Variants in UNC45B observed in about 807,000 individuals in gnomAD.
UNC45B encodes protein unc-45 homolog B.
Under a neutral mutation model 98.7 loss-of-function variants are expected in UNC45B, and 78 were observed. That is an observed-to-expected ratio of 0.79 (90% CI 0.66 to 0.95). The LOEUF (loss-of-function observed/expected upper bound fraction) is 0.95. UNC45B is among the 40% of genes least tolerant of loss of function. The pLI is 0.00. For synonymous variants in UNC45B, 462 were observed against 480.4 expected (o/e 0.96, Z 0.50); for missense variants, 1,225 against 1,184.9 (o/e 1.03, Z -0.50).
At chr17:35,164,321 C>A in intron 9 of UNC45B, 155 bp downstream of exon 9, 1 of 826,404 alleles carries the variant, frequency 1.2e-6, no homozygotes, top group Non-Finnish European at 1.8e-6. Flanking sequence ...GTGGCTCTGG[C>A]TTATGGTCTT....
intron 7 of UNC45B, among the ~76,000 whole-genome samples, chr17:35,156,675 T>G (rs2092064569): frequency 6.6e-6 from 1 of 152,124 alleles, no homozygotes; most frequent in African/African-American, 2.4e-5. Flanking sequence ...TACCACAGCT[T>G]AAAAAAAGTA....
At chr17:35,178,937 T>G (rs2092254655) in intron 17 of UNC45B, among the ~76,000 whole-genome samples, 3 of 152,228 alleles carry the variant, frequency 2.0e-5, no homozygotes, top group Non-Finnish European at 4.4e-5. Context: ...TTTTGGTTAC[T>G]GTAGCCTTGT....
chr17:35,173,074 T>C (rs1395146725), intron 13 of UNC45B, among the ~76,000 whole-genome samples: 1 of 152,080 alleles, frequency 6.6e-6, no homozygotes, highest in Admixed American at 6.5e-5. Flanking sequence ...TTTCCTATTG[T>C]TTCTAGAACA....
chr17:35,155,028 A>C (rs2092048505), intron 6 of UNC45B, among the ~76,000 whole-genome samples: 3 of 152,150 alleles, frequency 2.0e-5, no homozygotes. Flanking sequence ...GCATATCTCC[A>C]TATGGTCCTG....
In UNC45B at chr17:35,159,496, G is replaced by A; in HGVS notation, c.930G>A (p.Lys310=). The change falls in exon 8 of 20, where the codon AAG becomes AAA. Residue 310 remains lysine, a synonymous_variant. Transcript: ENST00000394570. ...LNLLNKNVPR[K]DLAIHDNSRT... The stretch of plus-strand genomic sequence containing the variant: ...TGCTCAATAAGAATGTTCCCAGGAA[G>A]GACCTTGCCATTCATGACAACTCAC... 1 of 1,614,106 alleles carries A rather than the reference G, an allele frequency of 6.2e-7. No individual in the cohort carries two copies. Among genetic ancestry groups the A allele is most frequent in the East Asian group, 2.2e-5 (1 of 44,872 alleles).
At chr17:35,172,668 C>A (rs1197933076) in intron 13 of UNC45B, among the ~76,000 whole-genome samples, 1 of 152,160 alleles carries the variant, frequency 6.6e-6, no homozygotes, top group African/African-American at 2.4e-5. Context: ...AGCCCCTTCC[C>A]CACCACTCCT....
chr17:35,164,208 G>C lies in UNC45B; in HGVS notation c.1151+42G>C, dbSNP rs757314386. 3 of 1,567,208 alleles carry C rather than the reference G, an allele frequency of 1.9e-6. No homozygotes were observed. The South Asian group carries it at 3.5e-5, about 18-fold the overall frequency. ...CCTCACAGGGTCAGGCTCTGTCTTG[G>C]TTATCTATGGCTGTGTAACAAATTA... On this transcript the variant is annotated intron_variant, in intron 9 of 19. Coordinates refer to ENST00000394570, the MANE Select transcript of UNC45B (RefSeq NM_001267052.2).
intron 6 of UNC45B, 144 bp from the exon 7 acceptor site, chr17:35,155,151 AG>A: frequency 1.0e-6 from 1 of 957,692 alleles, no homozygotes; most frequent in Non-Finnish European, 1.5e-6. Flanking sequence ...TCCAGGACAG[AG>A]GGGCCCATGA....
At chr17:35,158,930 C>T (rs1425035287) in intron 7 of UNC45B, among the ~76,000 whole-genome samples, 5 of 152,164 alleles carry the variant, frequency 3.3e-5, no homozygotes, top group Admixed American at 2.6e-4. Context: ...CAGGAAGTCC[C>T]GGCGTCACAG....
In UNC45B at chr17:35,150,091, A is replaced by T; in HGVS notation, c.249A>T (p.Arg83=). ...CGGACATCAAGGCTCTGTATCGGCGATGCCAGGCACTGGAGCACCTGGGGA... is the reference window on the plus strand; with the variant it reads ...CGGACATCAAGGCTCTGTATCGGCGTTGCCAGGCACTGGAGCACCTGGGGA... ...NSSDIKALYR[R]CQALEHLGKL... Residue 83 remains arginine, a synonymous_variant, in exon 4 of 20, where the codon CGA becomes CGT. Transcript: ENST00000394570. 1 of 1,613,172 alleles carries T rather than the reference A, an allele frequency of 6.2e-7. No individual in the cohort carries two copies.
At chr17:35,148,573 A>C in intron 2 of UNC45B, 142 bp downstream of exon 2, 1 of 940,458 alleles carries the variant, frequency 1.1e-6, no homozygotes. Context: ...GGTGCCTCCA[A>C]CCCCCTGACC....
At chr17:35,171,625 C>G (rs1380994569) in intron 13 of UNC45B, among the ~76,000 whole-genome samples, 163 bp downstream of exon 13, 1 of 152,138 alleles carries the variant, frequency 6.6e-6, no homozygotes, top group Non-Finnish European at 1.5e-5. Flanking sequence ...ACTTTCCCAC[C>G]AGATGGTGCT....
chr17:35,170,120 G>C lies in UNC45B; in HGVS notation c.1554G>C (p.Leu518=). The change falls in exon 12 of 20, where the codon CTG becomes CTC. Residue 518 remains leucine (L), a synonymous_variant. Coordinates refer to ENST00000394570, the MANE Select transcript of UNC45B (RefSeq NM_001267052.2). ...EKLAKQCRKW[L]CNMSIDTRTR... is the part of the protein sequence containing the mutation. ...GCTCCCTCCTCACTTCCAGGTGGCT[G>C]TGCAATATGTCCATAGACACTCGGA... The C allele has an allele frequency of 6.2e-7, 1 of 1,609,500 alleles. No homozygotes were observed. The highest frequency in any genetic ancestry group is 8.5e-7 in the Non-Finnish European group (1 of 1,176,708).
intron 18 of UNC45B, among the ~76,000 whole-genome samples, chr17:35,183,106 G>A (rs1597938204): frequency 6.6e-6 from 1 of 151,672 alleles, no homozygotes; most frequent in South Asian, 2.1e-4. Flanking sequence ...TCCCCAAAGG[G>A]ATGGGAAATA....
rs1237412903 is a variant in UNC45B at position 35,170,117 on chromosome 17, G to T, written c.1551G>T (p.Trp517Cys). Residue 517 changes from tryptophan to cysteine, a missense_variant, in exon 12 of 20, where the codon TGG becomes TGT. By Grantham distance (215) the Trp-to-Cys change is radical. Transcript: ENST00000394570. ...TGTGCTCCCTCCTCACTTCCAGGTG[G>T]CTGTGCAATATGTCCATAGACACTC... ...TEKLAKQCRK[W>C]LCNMSIDTRT... is the part of the protein sequence containing the mutation. The T allele has an allele frequency of 6.2e-7, 1 of 1,608,496 alleles. No homozygotes were observed.
intron 13 of UNC45B, among the ~76,000 whole-genome samples, chr17:35,172,676 CCTCACT>C (rs1440785530): frequency 6.6e-6 from 1 of 152,192 alleles, no homozygotes; most frequent in Non-Finnish European, 1.5e-5. Context: ...CCCCACCACT[CCTCACT>C]CTGAGGATTA....
intron 16 of UNC45B, 67 bp downstream of exon 16, chr17:35,177,197 CT>C: frequency 7.1e-7 from 1 of 1,410,156 alleles, no homozygotes; most frequent in South Asian, 1.2e-5. Context: ...GGCCTTTCCC[CT>C]TGTCATTCTA....
chr17:35,175,050 A>AAAG (rs2092219314), intron 14 of UNC45B, among the ~76,000 whole-genome samples: 1 of 142,940 alleles, frequency 7.0e-6, no homozygotes, highest in African/African-American at 2.6e-5. Flanking sequence ...AAGGAAAGAA[A>AAAG]GAAAGGAAAG....
intron 3 of UNC45B, among the ~76,000 whole-genome samples, chr17:35,149,716 G>A (rs891607263): frequency 2.0e-5 from 3 of 152,132 alleles, no homozygotes; most frequent in Non-Finnish European, 2.9e-5. Flanking sequence ...CGCCAGGCCC[G>A]CCTGGCTGTC....
Sources: allele counts gnomAD v4.1 joint callset (sites outside exome capture counted in the v4.1 genomes callset), GRCh38; gene constraint gnomAD v4.1.1; transcripts MANE v1.5; gene names NCBI Gene and HGNC (gene_info 2026-07-23, HGNC 2026-07-21).